ATP2B2: variants seen among roughly 807,000 people sequenced by gnomAD.
ATP2B2 encodes plasma membrane calcium-transporting ATPase 2.
Under a neutral mutation model 120.0 loss-of-function variants are expected in ATP2B2, and 15 were observed. The ratio of observed to expected loss-of-function variants is 0.12; its 90% CI spans 0.08 to 0.19. The LOEUF is 0.19. ATP2B2 is among the 10% of genes least tolerant of loss of function. The pLI, the probability that ATP2B2 is intolerant of heterozygous loss-of-function variation, is 1.00. For synonymous variants in ATP2B2, 694 were observed against 700.3 expected, an observed-to-expected ratio of 0.99 and a Z score of 0.14; for missense variants, 1,045 against 1,719.8, an observed-to-expected ratio of 0.61 and a Z score of 6.94.
chr3:10,555,096 C>A (rs1389900066), intron 2 of ATP2B2, among the ~76,000 whole-genome samples: 2 of 152,208 alleles, frequency 1.3e-5, no homozygotes, highest in Non-Finnish European at 2.9e-5. Context: ...CACAGGCAGC[C>A]CAAAGCCTAT....
chr3:10,449,003 C>T (rs1181615338), intron 2 of ATP2B2, among the ~76,000 whole-genome samples: 1 of 152,240 alleles, frequency 6.6e-6, no homozygotes, highest in Non-Finnish European at 1.5e-5. Flanking sequence ...GCCCTTCTGC[C>T]TCTGCCTCAG....
Position 10,324,535 on chromosome 3 carries a change from G to C in ATP2B2, c.*4279C>G, listed in dbSNP as rs1044323932. On this transcript the variant is annotated 3_prime_UTR_variant, in exon 23 of 23. Transcript: ENST00000360273. ...ATTGTCTGACTTCCCTCCTGGCTCT[G>C]GAAGGCCTAAAAGCCTTCAAGAAAC... 1.3e-5 allele frequency: 2 copies of C among 152,136 alleles called. No homozygotes were observed. The highest frequency in any genetic ancestry group is 2.4e-5 in the African/African-American group (1 of 41,408). The allele number at this position is 152,136 out of a possible 1,614,324, so 9.4% of individuals were successfully genotyped here. A position where few individuals can be genotyped will look rare whatever the true frequency, so the allele number is the denominator to read the frequency against.
At position 10,671,685 on chromosome 3, in the gene ATP2B2, A is replaced by C. The variant is rs145555941; in HGVS notation, c.-460+36230T>G. 2.4e-4 allele frequency among the ~76,000 whole-genome samples: 33 copies of C among 135,356 alleles called. No homozygotes were observed. The East Asian group carries it at 6.9e-3, about 28-fold the overall frequency. The allele number at this position is 135,356 out of a possible 152,430, so 88.8% of individuals were successfully genotyped here. On this transcript the variant is annotated intron_variant, in intron 1 of 21. Coordinates refer to the ATP2B2 transcript ENST00000646379. ...TTGGAGTCTGTGATCCTAGAATCCCAGTTTGATTCTAGTGCTTGGGGTGGA... is the reference window on the plus strand; with the variant it reads ...TTGGAGTCTGTGATCCTAGAATCCCCGTTTGATTCTAGTGCTTGGGGTGGA...
intron 1 of ATP2B2, among the ~76,000 whole-genome samples, chr3:10,707,002 G>T (rs1289341767): frequency 6.6e-6 from 1 of 152,234 alleles, no homozygotes; most frequent in African/African-American, 2.4e-5. Flanking sequence ...AGGAAGCAGT[G>T]CTTCTACAGC....
intron 2 of ATP2B2, among the ~76,000 whole-genome samples, chr3:10,586,939 C>T (rs1482013953): frequency 6.6e-6 from 1 of 152,176 alleles, no homozygotes; most frequent in African/African-American, 2.4e-5. Flanking sequence ...CACAGTCCTC[C>T]CCATCTCTGC....
At chr3:10,406,792 C>T (rs746334051) in intron 3 of ATP2B2, among the ~76,000 whole-genome samples, 7 of 152,252 alleles carry the variant, frequency 4.6e-5, no homozygotes, top group Admixed American at 1.3e-4. Flanking sequence ...CACCCATCAA[C>T]ATTGCCACTG....
intron 5 of ATP2B2, among the ~76,000 whole-genome samples, chr3:10,389,008 C>G (rs2061766285): frequency 6.6e-6 from 1 of 152,084 alleles, no homozygotes. Context: ...TCATGCATTT[C>G]ATTTTATGCA....
At chr3:10,559,028 T>C (rs958863404) in intron 2 of ATP2B2, among the ~76,000 whole-genome samples, 5 of 152,224 alleles carry the variant, frequency 3.3e-5, no homozygotes, top group African/African-American at 1.2e-4. Context: ...TAATTTGTTT[T>C]CCAACATTTC....
At position 10,659,929 on chromosome 3, in the gene ATP2B2, C is replaced by A. The variant is rs2070736444; in HGVS notation, c.-459-39968G>T. ...ACCACAGTGCAATCAAACTAGAACT[C>A]AGAATTAAGAAACTCACTCAAAACT... On this transcript the variant is annotated intron_variant, in intron 1 of 21. Coordinates refer to the ATP2B2 transcript ENST00000646379. 2.0e-5 allele frequency among the ~76,000 whole-genome samples: 3 copies of A among 152,244 alleles called. No individual in the cohort carries two copies. In the South Asian group the frequency reaches 6.2e-4, roughly 32 times the overall value.
intron 1 of ATP2B2, among the ~76,000 whole-genome samples, chr3:10,478,023 T>G (rs2065268111): frequency 6.6e-6 from 1 of 152,222 alleles, no homozygotes; most frequent in Admixed American, 6.5e-5. Context: ...GTGTTCTAAT[T>G]TCCCCACGTT....
chr3:10,541,838 C>T (rs2067447128), intron 2 of ATP2B2, among the ~76,000 whole-genome samples: 1 of 152,134 alleles, frequency 6.6e-6, no homozygotes, highest in African/African-American at 2.4e-5. Context: ...TGCCTAGTTG[C>T]TGTATCAATT....
chr3:10,680,181 G>A (rs1267308786), intron 1 of ATP2B2, among the ~76,000 whole-genome samples: 3 of 152,294 alleles, frequency 2.0e-5, no homozygotes, highest in South Asian at 2.1e-4. Context: ...GACATCCTGT[G>A]TCCACCCACC....
rs2061349515 is a variant in ATP2B2, at chr3:10,375,242, T to C, written c.1416+188A>G. Reference sequence around the variant, plus strand: ...GCCAGGGTATGGCTCTCTGGTTTGCTACAGGCCCCTGGACTCTATGAAAGC... The same window carrying C: ...GCCAGGGTATGGCTCTCTGGTTTGCCACAGGCCCCTGGACTCTATGAAAGC... On this transcript the variant is annotated intron_variant, in intron 11 of 22. Coordinates refer to ENST00000360273, the MANE Select transcript of ATP2B2 (RefSeq NM_001001331.4). The surrounding 1 kb of genome is among the most constrained non-coding windows in gnomAD (Gnocchi z 4.2). 1.3e-5 allele frequency among the ~76,000 whole-genome samples: 2 copies of C among 152,158 alleles called. No individual in the cohort carries two copies. Among genetic ancestry groups the C allele is most frequent in the Admixed American group, 1.3e-4 (2 of 15,282 alleles).
intron 2 of ATP2B2, among the ~76,000 whole-genome samples, chr3:10,581,991 G>A (rs1288219429): frequency 2.6e-5 from 4 of 152,208 alleles, no homozygotes; most frequent in South Asian, 2.1e-4. Context: ...CACACTGGTC[G>A]GAATTTGCTG....
Position 10,402,167 on chromosome 3 carries a change from G to A in ATP2B2, c.579C>T (p.Thr193=), listed in dbSNP as rs141343326. Residue 193 remains threonine, a synonymous_variant, in exon 4 of 23, where the codon ACC becomes ACT. Transcript: ENST00000360273. This position sits in a 1 kb window ranked among gnomAD's most constrained non-coding sequence, Gnocchi z 4.9. The stretch of plus-strand genomic sequence containing the variant: ...GGACCACCTGGCCAGCCCGGACCAC[G>A]GTAAATTTCTGTTCCTGCTCGATGC... The part of the protein sequence containing the change: ...QSRIEQEQKF[T]VVRAGQVVQI... The A allele has an allele frequency of 6.8e-6, 11 of 1,614,144 alleles. No individual in the cohort carries two copies. Among genetic ancestry groups the A allele is most frequent in the Middle Eastern group, 1.6e-4 (1 of 6,062 alleles).
At chr3:10,384,491 G>A (rs550322858) in intron 8 of ATP2B2, among the ~76,000 whole-genome samples, 10 of 152,174 alleles carry the variant, frequency 6.6e-5, no homozygotes, top group Non-Finnish European at 1.2e-4. Context: ...GAAGCCAGAA[G>A]GGGATAGAAA....
chr3:10,369,938 C>T (rs7609606), intron 12 of ATP2B2, among the ~76,000 whole-genome samples: 1,801 of 152,200 alleles, frequency 0.012, 35 homozygotes, highest in African/African-American at 0.041. Context: ...GAAAGACAGG[C>T]GCAGGTATCT....
intron 1 of ATP2B2, among the ~76,000 whole-genome samples, chr3:10,690,351 C>T (rs927327799): frequency 2.0e-5 from 3 of 151,824 alleles, no homozygotes; most frequent in Non-Finnish European, 2.9e-5. Flanking sequence ...TTGCACATGC[C>T]GGCATAGACA....
intron 1 of ATP2B2, among the ~76,000 whole-genome samples, chr3:10,668,692 CTATTT>C (rs2071013468): frequency 6.6e-6 from 1 of 152,124 alleles, no homozygotes; most frequent in Non-Finnish European, 1.5e-5. Flanking sequence ...TCCCTCGGTC[CTATTT>C]TATTTATTTT....
Sources: allele counts gnomAD v4.1 joint callset (sites outside exome capture counted in the v4.1 genomes callset), GRCh38; gene constraint gnomAD v4.1.1; non-coding constraint Gnocchi (gnomAD v3.1); transcripts MANE v1.5; gene names NCBI Gene and HGNC (gene_info 2026-07-23, HGNC 2026-07-21).